RBMS3: variants seen among roughly 807,000 people sequenced by gnomAD.
The protein encoded by RBMS3 is RNA-binding motif, single-stranded-interacting protein 3.
RBMS3 carries 27 observed loss-of-function variants against 66.8 expected under a neutral mutation model. The ratio of observed to expected loss-of-function variants is 0.40; its 90% CI spans 0.30 to 0.56. The LOEUF (loss-of-function observed/expected upper bound fraction) is 0.56, where lower values mean the gene tolerates loss of function less well. Ranked by LOEUF, RBMS3 falls within the 20% of genes least tolerant of loss-of-function variation. The pLI, the probability that RBMS3 is intolerant of heterozygous loss-of-function variation, is 0.40. For synonymous variants in RBMS3, 188 were observed against 183.0 expected (o/e 1.03, Z -0.22); for missense variants, 513 against 549.5 (o/e 0.93, Z 0.66).
At chr3:29,435,162 T>A (rs947395313) in intron 2 of RBMS3, among the ~76,000 whole-genome samples, 1 of 152,226 alleles carries the variant, frequency 6.6e-6, no homozygotes, top group Non-Finnish European at 1.5e-5. Flanking sequence ...TTCATAGATA[T>A]ATGACCTGCA....
chr3:29,387,004 C>T (rs1005257275), intron 1 of RBMS3, among the ~76,000 whole-genome samples: 8 of 152,138 alleles, frequency 5.3e-5, no homozygotes, highest in Non-Finnish European at 8.8e-5. Context: ...TCTCTTGTGT[C>T]CCTCATTGCT....
chr3:29,599,262 G>T (rs1419638907), intron 4 of RBMS3, among the ~76,000 whole-genome samples: 1 of 151,296 alleles, frequency 6.6e-6, no homozygotes, highest in Non-Finnish European at 1.5e-5. Flanking sequence ...TAGATTGTTT[G>T]TAACTTGAAG....
chr3:29,299,829 G>A (rs954319447), intron 1 of RBMS3, among the ~76,000 whole-genome samples: 11 of 151,750 alleles, frequency 7.2e-5, no homozygotes, highest in Admixed American at 7.2e-4. Context: ...CAGATAATGA[G>A]GGACAACTGT....
At chr3:29,437,209 C>T (rs534969938) in intron 2 of RBMS3, among the ~76,000 whole-genome samples, 15 of 152,310 alleles carry the variant, frequency 9.8e-5, no homozygotes, top group African/African-American at 2.6e-4. Flanking sequence ...ACACAGGAAT[C>T]AGCACATCCT....
chr3:29,746,896 C>A (rs918953876), intron 5 of RBMS3, among the ~76,000 whole-genome samples: 1 of 152,168 alleles, frequency 6.6e-6, no homozygotes. Flanking sequence ...ATAATGCCCT[C>A]TGTGAAATGC....
chr3:29,618,289 G>T (rs1338849686), intron 4 of RBMS3, among the ~76,000 whole-genome samples: 2 of 152,114 alleles, frequency 1.3e-5, no homozygotes, highest in African/African-American at 2.4e-5. Context: ...GAGGTCAAGA[G>T]TTCAAGACCA....
chr3:29,419,164 G>A (rs2040599268), intron 1 of RBMS3, among the ~76,000 whole-genome samples: 1 of 152,102 alleles, frequency 6.6e-6, no homozygotes. Flanking sequence ...CTTAATACAG[G>A]TAAGTATAGA....
intron 6 of RBMS3, among the ~76,000 whole-genome samples, chr3:29,814,385 G>C (rs2057816770): frequency 6.6e-6 from 1 of 152,156 alleles, no homozygotes; most frequent in Non-Finnish European, 1.5e-5. Context: ...CGGTTTCCCA[G>C]TATTTTATTG....
chr3:29,371,103 A>G (rs963361654), intron 1 of RBMS3, among the ~76,000 whole-genome samples: 18 of 152,228 alleles, frequency 1.2e-4, no homozygotes, highest in African/African-American at 4.3e-4. Context: ...ACGCTGTGTT[A>G]AAAATTCCTT....
intron 1 of RBMS3, among the ~76,000 whole-genome samples, chr3:29,316,255 T>A (rs2034670163): frequency 6.6e-6 from 1 of 151,760 alleles, no homozygotes; most frequent in Non-Finnish European, 1.5e-5. Context: ...TGATATTTTC[T>A]AAATATGTCA....
At chr3:29,908,163 A>G (rs2149625634) in intron 10 of RBMS3, among the ~76,000 whole-genome samples, 1 of 152,022 alleles carries the variant, frequency 6.6e-6, no homozygotes, top group Non-Finnish European at 1.5e-5. Flanking sequence ...AGGTGGGAGG[A>G]TTGTTTGAGG....
intron 14 of RBMS3, among the ~76,000 whole-genome samples, chr3:29,997,901 G>A (rs1215703088): frequency 1.3e-5 from 2 of 152,190 alleles, no homozygotes; most frequent in East Asian, 3.9e-4. Context: ...TCAACATTGT[G>A]TTGGAAGTTC....
At chr3:29,926,257 C>T (rs373889318) in intron 10 of RBMS3, among the ~76,000 whole-genome samples, 13 of 152,190 alleles carry the variant, frequency 8.5e-5, no homozygotes, top group African/African-American at 1.2e-4. Context: ...TTAATAGGGT[C>T]GTGACTTCAC....
chr3:29,388,749 A>G lies in RBMS3; in HGVS notation c.76-45994A>G, dbSNP rs1268014768. The stretch of plus-strand genomic sequence containing the variant: ...CCCAGCTAATTTTAGTATTTTTAGT[A>G]GAGACAGGGTTTCACCATGTTAGCC... On this transcript the variant is annotated intron_variant, in intron 1 of 14. Coordinates refer to ENST00000383767, the MANE Select transcript of RBMS3 (RefSeq NM_001003793.3). Among the ~76,000 whole-genome samples, 5 of 152,154 alleles carry G rather than the reference A, an allele frequency of 3.3e-5. No individual in the cohort carries two copies. In the East Asian group the frequency reaches 5.8e-4, roughly 18 times the overall value.
chr3:29,591,690 G>T (rs1010550840), intron 4 of RBMS3, among the ~76,000 whole-genome samples: 5 of 152,176 alleles, frequency 3.3e-5, no homozygotes, highest in African/African-American at 9.7e-5. Context: ...AAACAGTCAT[G>T]AATTATTACC....
At chr3:29,790,354 A>G (rs974221065) in intron 6 of RBMS3, among the ~76,000 whole-genome samples, 5 of 152,216 alleles carry the variant, frequency 3.3e-5, no homozygotes, top group Non-Finnish European at 5.9e-5. Context: ...TTTGTAAAGT[A>G]TAGTAGGCCA....
intron 6 of RBMS3, among the ~76,000 whole-genome samples, chr3:29,855,584 G>A (rs1360136921): frequency 6.6e-6 from 1 of 152,120 alleles, no homozygotes; most frequent in Non-Finnish European, 1.5e-5. Context: ...AGAAAATAGG[G>A]GAAAGATTTC....
intron 1 of RBMS3, among the ~76,000 whole-genome samples, chr3:29,299,398 G>T (rs1401392797): frequency 6.6e-6 from 1 of 151,766 alleles, no homozygotes; most frequent in Admixed American, 6.6e-5. Context: ...GAGTGGTTTT[G>T]TAAGTTTCAT....
intron 6 of RBMS3, among the ~76,000 whole-genome samples, chr3:29,799,814 CTCTG>C (rs1332763269): frequency 6.6e-6 from 1 of 152,168 alleles, no homozygotes; most frequent in Non-Finnish European, 1.5e-5. Context: ...ATCTAGCTGT[CTCTG>C]TCTATTTCCT....
Sources: allele counts gnomAD v4.1 joint callset (sites outside exome capture counted in the v4.1 genomes callset), GRCh38; gene constraint gnomAD v4.1.1; transcripts MANE v1.5; gene names NCBI Gene and HGNC (gene_info 2026-07-23, HGNC 2026-07-21).